Variants in TP73 observed in about 807,000 individuals in gnomAD.
The protein encoded by TP73 is tumor protein p73, also known as p53-like transcription factor.
A neutral mutation model predicts 62.5 loss-of-function variants in TP73; 25 were observed. The observed-to-expected ratio is 0.40, with a 90% CI of 0.29 to 0.56. TP73 has a LOEUF of 0.56. TP73 is among the 20% of genes least tolerant of loss of function. TP73 has a pLI of 0.46. For synonymous variants in TP73, 423 were observed against 377.5 expected (o/e 1.12, Z -1.40); for missense variants, 754 against 913.3 (o/e 0.83, Z 2.25).
At chr1:3,679,389 C>T (rs538929515) in intron 1 of TP73, among the ~76,000 whole-genome samples, 1 of 152,308 alleles carries the variant, frequency 6.6e-6, no homozygotes, top group East Asian at 1.9e-4. Flanking sequence ...GGCGGGATGC[C>T]GTCGGCTCCC....
intron 3 of TP73, among the ~76,000 whole-genome samples, chr1:3,692,250 G>A (rs1645862185): frequency 6.6e-6 from 1 of 152,144 alleles, no homozygotes; most frequent in Admixed American, 6.5e-5. Context: ...TGTGTTCCCA[G>A]GCAAGGCTTT....
At chr1:3,679,682 CTT>C (rs1391393704) in intron 1 of TP73, among the ~76,000 whole-genome samples, 6 of 151,526 alleles carry the variant, frequency 4.0e-5, no homozygotes, top group South Asian at 4.2e-4. Flanking sequence ...CTCTGTCTCT[CTT>C]TGTCCCTGTC....
chr1:3,728,182 C>T lies in TP73; in HGVS notation c.1039C>T (p.Arg347Trp), dbSNP rs750085774. 25 of 1,611,988 alleles carry T rather than the reference C, an allele frequency of 1.6e-5. No individual in the cohort carries two copies. The highest frequency in any genetic ancestry group is 8.9e-5 in the East Asian group (4 of 44,884). ...VPALGAGVKK[R>W]RHGDEDTYYL... ...CGCCCTTGGTGCCGGTGTGAAGAAG[C>T]GGCGGCATGGAGACGAGGACACGTA... The change falls in exon 9 of 14, where the codon CGG (arginine) becomes TGG (tryptophan). Residue 347 changes from arginine to tryptophan, a missense_variant. Coordinates refer to ENST00000378295, the MANE Select transcript of TP73 (RefSeq NM_005427.4).
intron 10 of TP73, 145 bp from the exon 11 acceptor site, chr1:3,729,855 G>A: frequency 8.2e-7 from 1 of 1,221,166 alleles, no homozygotes; most frequent in South Asian, 1.5e-5. Context: ...CATGGTTGGG[G>A]ACAGGGAGGC....
intron 3 of TP73, 130 bp from the exon 4 acceptor site, chr1:3,707,419 A>T (rs1231584140): frequency 3.1e-6 from 4 of 1,284,402 alleles, no homozygotes; most frequent in Non-Finnish European, 4.3e-6. Flanking sequence ...TGGGGGAGAG[A>T]CCCGGGGAAA....
intron 1 of TP73, among the ~76,000 whole-genome samples, chr1:3,655,388 A>G (rs1053932284): frequency 1.3e-5 from 2 of 152,246 alleles, no homozygotes; most frequent in Non-Finnish European, 2.9e-5. Flanking sequence ...CTCTGTCTCA[A>G]AAAAACACGC....
intron 13 of TP73, 78 bp from the exon 14 acceptor site, chr1:3,732,669 G>T: frequency 7.4e-7 from 1 of 1,349,920 alleles, no homozygotes; most frequent in East Asian, 2.4e-5. Context: ...GGTGTGGCCA[G>T]ACCTCCAGGC....
intron 1 of TP73, among the ~76,000 whole-genome samples, chr1:3,681,091 G>T (rs969995294): frequency 6.6e-6 from 1 of 152,206 alleles, no homozygotes; most frequent in Non-Finnish European, 1.5e-5. Flanking sequence ...CTCACGGACC[G>T]CCCCTCAGCC....
intron 6 of TP73, among the ~76,000 whole-genome samples, chr1:3,726,294 GGA>G (rs1641586402): frequency 9.8e-5 from 4 of 40,630 alleles, no homozygotes; most frequent in South Asian, 7.1e-4. Context: ...GTGGGTGGAT[GGA>G]TGGATGGATG....
At chr1:3,692,064 G>A (rs560841998) in intron 3 of TP73, among the ~76,000 whole-genome samples, 3 of 152,298 alleles carry the variant, frequency 2.0e-5, no homozygotes, top group Non-Finnish European at 4.4e-5. Context: ...GTATGTTATG[G>A]GTGTGTGTAC....
chr1:3,691,484 G>C (rs1023953835), intron 3 of TP73, among the ~76,000 whole-genome samples: 7 of 152,084 alleles, frequency 4.6e-5, no homozygotes, highest in African/African-American at 1.7e-4. Context: ...TGAGCTCCAG[G>C]GCCAGGACCT....
rs1303427518 is a variant in TP73 at position 3,727,733 on chromosome 1, C to A, written c.948C>A (p.Asn316Lys). 6.4e-7 allele frequency: 1 copy of A among 1,557,490 alleles called. No individual in the cohort carries two copies. Among genetic ancestry groups the A allele is most frequent in the Non-Finnish European group, 8.7e-7 (1 of 1,151,988 alleles). Reference protein sequence around the residue: ...EDHYREQQALNESSAKNGAAS... With the variant: ...EDHYREQQALKESSAKNGAAS... ...ACTACCGGGAGCAGCAGGCCCTGAACGAGAGCTCCGCCAAGAACGGGGCCG... is the reference window on the plus strand; with the variant it reads ...ACTACCGGGAGCAGCAGGCCCTGAAAGAGAGCTCCGCCAAGAACGGGGCCG... The change falls in exon 8 of 14, where the codon AAC becomes AAA. Residue 316 changes from asparagine (N) to lysine (K), a missense_variant. By Grantham distance (94) the Asn-to-Lys change is moderately conservative (BLOSUM62 0). Around this residue, in one of 3 missense-constraint regions of TP73, gnomAD observed 458 missense variants for 528.7 expected, o/e 0.87. Coordinates refer to ENST00000378295, the MANE Select transcript of TP73 (RefSeq NM_005427.4).
At chr1:3,668,020 G>T (rs1018429954) in intron 1 of TP73, among the ~76,000 whole-genome samples, 28 of 152,188 alleles carry the variant, frequency 1.8e-4, no homozygotes, top group Non-Finnish European at 3.5e-4. Context: ...TATGGCCAGG[G>T]TCCAGCTGCT....
chr1:3,656,855 T>G (rs1270379929), intron 1 of TP73, among the ~76,000 whole-genome samples: 2 of 152,192 alleles, frequency 1.3e-5, no homozygotes. Context: ...ATTTCAGCAT[T>G]TCCTCTAGTT....
chr1:3,683,813 G>A (rs1468915476), intron 3 of TP73, among the ~76,000 whole-genome samples: 2 of 152,198 alleles, frequency 1.3e-5, no homozygotes, highest in African/African-American at 4.8e-5. Flanking sequence ...ACCATCAGTG[G>A]AACAGGGTGA....
intron 3 of TP73, among the ~76,000 whole-genome samples, chr1:3,693,119 A>G (rs1185952381): frequency 6.9e-6 from 1 of 145,176 alleles, no homozygotes; most frequent in African/African-American, 2.7e-5. Flanking sequence ...TGTCTCCAGC[A>G]CCTCTTCCCT....
intron 4 of TP73, among the ~76,000 whole-genome samples, chr1:3,710,897 T>C (rs1267964547): frequency 6.6e-6 from 1 of 151,978 alleles, no homozygotes; most frequent in Non-Finnish European, 1.5e-5. Flanking sequence ...TCCCACCCCA[T>C]GGAAACCCAG....
rs1553130910 is a variant in TP73 at position 3,666,570 on chromosome 1, G to A, written c.-34+13929G>A. 2.0e-5 allele frequency among the ~76,000 whole-genome samples: 3 copies of A among 152,106 alleles called. No individual in the cohort carries two copies. The highest frequency in any genetic ancestry group is 2.9e-5 in the Non-Finnish European group (2 of 68,012). ...CAGTGAAGGTGGGTGCGTGGGCGGG[G>A]GGCTTTTAATGGTCCCTCTGCTGGC... On this transcript the variant is annotated intron_variant, in intron 1 of 13. Transcript: ENST00000378295. The surrounding 1 kb of genome is among the most constrained non-coding windows in gnomAD (Gnocchi z 6.4).
intron 6 of TP73, 78 bp from the exon 7 acceptor site, chr1:3,727,036 AT>A: frequency 8.0e-7 from 1 of 1,250,328 alleles, no homozygotes; most frequent in Non-Finnish European, 1.1e-6. Context: ...AGGACCAGAC[AT>A]GGAGCTGGGG....
Sources: gnomAD v4.1 joint callset for allele counts (sites outside exome capture counted in the v4.1 genomes callset) on GRCh38, gnomAD v4.1.1 for gene constraint, gnomAD v4.1.1 regional missense constraint, Gnocchi (gnomAD v3.1) non-coding constraint, MANE v1.5 for transcripts, NCBI Gene and HGNC (gene_info 2026-07-23, HGNC 2026-07-21) for gene names.